The following TTLL7 variants were observed in gnomAD, a reference collection of about 807,000 sequenced individuals.
TTLL7 encodes tubulin tyrosine ligase like 7.
Under a neutral mutation model 120.2 loss-of-function variants are expected in TTLL7, and 53 were observed. The ratio of observed to expected loss-of-function variants is 0.44; its 90% CI spans 0.35 to 0.55. TTLL7 has a LOEUF of 0.55. TTLL7 is among the 20% of genes least tolerant of loss of function. The pLI, the probability that TTLL7 is intolerant of heterozygous loss-of-function variation, is 0.00. For synonymous variants in TTLL7, 353 were observed against 351.7 expected, an observed-to-expected ratio of 1.00 and a Z score of -0.04; for missense variants, 803 against 1,054.7, an observed-to-expected ratio of 0.76 and a Z score of 3.31.
At chr1:83,883,189 C>A (rs975331766) in intron 19 of TTLL7, 53 bp from the exon 20 acceptor site, 2 of 1,457,146 alleles carry the variant, frequency 1.4e-6, no homozygotes, top group African/African-American at 1.4e-5. Context: ...AAATGACAAC[C>A]AGCTATATAT....
intron 18 of TTLL7, among the ~76,000 whole-genome samples, chr1:83,899,682 C>T (rs895782598): frequency 4.6e-5 from 7 of 151,768 alleles, no homozygotes; most frequent in South Asian, 4.2e-4. Flanking sequence ...ACAAATACAT[C>T]GCAAGCACAA....
At chr1:83,957,399 TAA>T (rs1184486514) in intron 1 of TTLL7, among the ~76,000 whole-genome samples, 3 of 152,156 alleles carry the variant, frequency 2.0e-5, no homozygotes, top group Non-Finnish European at 2.9e-5. Flanking sequence ...AAAATAGGGT[TAA>T]GTTAAAAATA....
chr1:83,924,823 GA>G (rs763106499), intron 10 of TTLL7, among the ~76,000 whole-genome samples: 26 of 152,136 alleles, frequency 1.7e-4, no homozygotes, highest in Non-Finnish European at 2.4e-4. Context: ...CAAAGCTACA[GA>G]AATTTGAAAC....
intron 19 of TTLL7, 25 bp from the exon 20 acceptor site, chr1:83,883,161 T>A: frequency 3.2e-6 from 5 of 1,551,366 alleles, no homozygotes; most frequent in Non-Finnish European, 4.4e-6. Context: ...ACAGACATGA[T>A]CTCATGTTGG....
At chr1:83,973,776 T>C (rs1206671412) in intron 1 of TTLL7, among the ~76,000 whole-genome samples, 1 of 152,072 alleles carries the variant, frequency 6.6e-6, no homozygotes, top group Admixed American at 6.6e-5. Context: ...ATAGATCTTA[T>C]ACATATTCTG....
At chr1:83,909,030 T>C (rs1272203053) in intron 15 of TTLL7, among the ~76,000 whole-genome samples, 1 of 151,756 alleles carries the variant, frequency 6.6e-6, no homozygotes, top group East Asian at 1.9e-4. Flanking sequence ...AGAAGGGCTA[T>C]GTGAGGAACA....
At chr1:83,971,766 T>C (rs1451728854) in intron 1 of TTLL7, among the ~76,000 whole-genome samples, 1 of 152,018 alleles carries the variant, frequency 6.6e-6, no homozygotes, top group Non-Finnish European at 1.5e-5. Flanking sequence ...GCCTCTGTTA[T>C]TGCTAGTAAT....
intron 10 of TTLL7, among the ~76,000 whole-genome samples, chr1:83,928,551 G>GT (rs1473618356): frequency 1.3e-5 from 2 of 152,074 alleles, no homozygotes; most frequent in African/African-American, 4.8e-5. Flanking sequence ...TACCAGCCAA[G>GT]TTTTTTCTCA....
intron 1 of TTLL7, among the ~76,000 whole-genome samples, chr1:83,996,712 T>A (rs556840766): frequency 9.2e-5 from 14 of 152,298 alleles, no homozygotes; most frequent in South Asian, 4.1e-4. Flanking sequence ...ATTTAGATGG[T>A]TTGCAGACTG....
intron 1 of TTLL7, among the ~76,000 whole-genome samples, chr1:83,984,697 T>C (rs537286607): frequency 3.3e-5 from 5 of 152,250 alleles, no homozygotes; most frequent in African/African-American, 1.2e-4. Flanking sequence ...CTGCATGTTC[T>C]CACTTATAAG....
chr1:83,929,737 T>G (rs1302965804), intron 9 of TTLL7, among the ~76,000 whole-genome samples: 1 of 152,142 alleles, frequency 6.6e-6, no homozygotes, highest in African/African-American at 2.4e-5. Context: ...ATAAAAGAGC[T>G]GGAGTGTTTG....
At chr1:83,879,564 T>A (rs556525297) in intron 20 of TTLL7, among the ~76,000 whole-genome samples, 7 of 152,092 alleles carry the variant, frequency 4.6e-5, no homozygotes, top group African/African-American at 1.7e-4. Flanking sequence ...GATGGATAAG[T>A]TGAATTCCAT....
rs189772641 is a variant in TTLL7, at chr1:83,929,089, T to C, written c.1142+47A>G. ...ATTTTATGTACAAATGATTAATCTA[T>C]GTCAAATGTGGAGATAAATGTCCAA... is the stretch of plus-strand genomic sequence containing the variant. On this transcript the variant is annotated intron_variant, in intron 10 of 20. Transcript: ENST00000260505. 5.6e-5 allele frequency: 70 copies of C among 1,252,060 alleles called. No homozygotes were observed. The East Asian group carries it at 9.7e-4, about 17-fold the overall frequency. 77.6% of individuals were successfully genotyped at this position (1,252,060 alleles called of 1,614,324 possible).
At chr1:83,928,222 T>C (rs1198913365) in intron 10 of TTLL7, among the ~76,000 whole-genome samples, 1 of 152,200 alleles carries the variant, frequency 6.6e-6, no homozygotes, top group African/African-American at 2.4e-5. Flanking sequence ...AAAACATGTA[T>C]AGGCATATTG....
Position 83,951,831 on chromosome 1 carries a change from C to G in TTLL7, c.157+14G>C. On this transcript the variant is annotated intron_variant, in intron 3 of 20. Coordinates refer to ENST00000260505, the MANE Select transcript of TTLL7 (RefSeq NM_024686.6). ...AATTATGAGAATCCCATGATTGCTT[C>G]TAAGGAAACCTACCAATTTCAAACT... 2.5e-6 allele frequency: 4 copies of G among 1,602,030 alleles called. No homozygotes were observed. The highest frequency in any genetic ancestry group is 3.4e-6 in the Non-Finnish European group (4 of 1,176,578).
intron 1 of TTLL7, chr1:83,980,871 A>G (rs1571377336): frequency 6.6e-6 from 1 of 152,166 alleles, no homozygotes; most frequent in East Asian, 1.9e-4. Flanking sequence ...ACCTAAATGG[A>G]AGTAAAGTTT....
intron 1 of TTLL7, among the ~76,000 whole-genome samples, chr1:83,967,079 C>A (rs1330227801): frequency 6.6e-6 from 1 of 152,064 alleles, no homozygotes; most frequent in East Asian, 1.9e-4. Context: ...ATTTTTTAAA[C>A]TACCTTTAAA....
intron 1 of TTLL7, among the ~76,000 whole-genome samples, chr1:83,982,523 C>T (rs1354661677): frequency 6.6e-6 from 1 of 152,024 alleles, no homozygotes; most frequent in Admixed American, 6.5e-5. Flanking sequence ...TAGCTGATAG[C>T]TAAATCAACA....
intron 10 of TTLL7, among the ~76,000 whole-genome samples, chr1:83,925,370 T>C (rs1373519880): frequency 2.0e-5 from 3 of 152,156 alleles, no homozygotes; most frequent in Non-Finnish European, 4.4e-5. Flanking sequence ...CCCAGAAGCC[T>C]AGGAATCATA....
Sources: allele counts gnomAD v4.1 joint callset (sites outside exome capture counted in the v4.1 genomes callset), GRCh38; gene constraint gnomAD v4.1.1; transcripts MANE v1.5; gene names NCBI Gene and HGNC (gene_info 2026-07-23, HGNC 2026-07-21).